The following NUP43 variants were observed in gnomAD, a reference collection of about 807,000 sequenced individuals.
NUP43 encodes nucleoporin Nup43.
Under a neutral mutation model 47.3 loss-of-function variants are expected in NUP43, and 32 were observed. The observed-to-expected ratio is 0.68, with a 90% CI of 0.51 to 0.91. The LOEUF (loss-of-function observed/expected upper bound fraction) is 0.91, where lower values mean the gene tolerates loss of function less well. NUP43 is among the 40% of genes least tolerant of loss of function. The pLI is 0.00. For missense variants in NUP43, 444 were observed against 453.9 expected, an observed-to-expected ratio of 0.98 and a Z score of 0.20; for synonymous variants, 147 against 158.4, an observed-to-expected ratio of 0.93 and a Z score of 0.54.
At chr6:149,742,229 T>C (rs553126099) in intron 4 of NUP43, among the ~76,000 whole-genome samples, 161 bp downstream of exon 4, 4 of 152,308 alleles carry the variant, frequency 2.6e-5, no homozygotes, top group Admixed American at 6.5e-5. Context: ...TTTCTCCATG[T>C]TGGTCAGGCT....
intron 7 of NUP43, among the ~76,000 whole-genome samples, chr6:149,729,052 G>A (rs1212265650): frequency 2.6e-5 from 4 of 151,728 alleles, no homozygotes; most frequent in African/African-American, 4.8e-5. Context: ...GTGCAGTGGC[G>A]TGACCTTGGC....
chr6:149,736,296 T>A (rs1785352203), intron 6 of NUP43, among the ~76,000 whole-genome samples, 175 bp downstream of exon 6: 1 of 151,878 alleles, frequency 6.6e-6, no homozygotes, highest in Non-Finnish European at 1.5e-5. Context: ...CAAAAACAAA[T>A]GTTAAAGAAC....
upstream of NUP43, among the ~76,000 whole-genome samples, chr6:149,748,012 T>G (rs1046149110): frequency 6.6e-6 from 1 of 152,222 alleles, no homozygotes; most frequent in African/African-American, 2.4e-5. Flanking sequence ...ATGTTTAATA[T>G]TGAAGTAAAG....
chr6:149,746,863 G>A (rs1334652620), upstream of NUP43, among the ~76,000 whole-genome samples: 3 of 152,208 alleles, frequency 2.0e-5, no homozygotes, highest in Non-Finnish European at 4.4e-5. Flanking sequence ...GCAGTTGCAG[G>A]TCACTGCGCA....
At chr6:149,746,196 G>A in intron 1 of NUP43, 134 bp from the exon 2 acceptor site, 8 of 1,315,490 alleles carry the variant, frequency 6.1e-6, no homozygotes, top group Admixed American at 6.0e-5. Context: ...AACGAGATAC[G>A]AGGCTCAGGC....
intron 7 of NUP43, among the ~76,000 whole-genome samples, chr6:149,731,106 A>G (rs1198504398): frequency 1.3e-5 from 2 of 151,876 alleles, no homozygotes; most frequent in African/African-American, 4.8e-5. Flanking sequence ...CATCTCTACT[A>G]AAAATACAAA....
chr6:149,731,838 T>C (rs1484557611), intron 6 of NUP43, 103 bp from the exon 7 acceptor site: 8 of 1,206,552 alleles, frequency 6.6e-6, no homozygotes, highest in East Asian at 4.9e-5. Flanking sequence ...CTCCATCACA[T>C]ACCTTCGAGC....
At chr6:149,747,896 G>A (rs1386179378), upstream of NUP43, among the ~76,000 whole-genome samples, 2 of 152,206 alleles carry the variant, frequency 1.3e-5, no homozygotes, top group Non-Finnish European at 2.9e-5. Flanking sequence ...TCCTATCAAG[G>A]ATTTGACTTT....
At chr6:149,744,324 G>A (rs980577223) in intron 2 of NUP43, among the ~76,000 whole-genome samples, 2 of 152,130 alleles carry the variant, frequency 1.3e-5, no homozygotes, top group Non-Finnish European at 2.9e-5. Context: ...AGGAGTTCGA[G>A]ACCAGCCTGG....
intron 5 of NUP43, among the ~76,000 whole-genome samples, chr6:149,737,481 T>C (rs1271569722): frequency 2.0e-5 from 3 of 152,132 alleles, no homozygotes; most frequent in Non-Finnish European, 4.4e-5. Flanking sequence ...CTCACTGTGT[T>C]GCCCTAGCTG....
Position 149,742,392 on chromosome 6 carries a change from A to G in NUP43, c.500T>C (p.Ile167Thr), listed in dbSNP as rs1785709628. 1.9e-6 allele frequency: 3 copies of G among 1,613,648 alleles called. No homozygotes were observed. Among genetic ancestry groups the G allele is most frequent in the Non-Finnish European group, 1.7e-6 (2 of 1,179,758 alleles). ...RADHKEAVRT[I>T]DNADSSTLHA... The stretch of plus-strand genomic sequence containing the variant: ...GGCCAGGCTGGGATTTTTCTTACCT[A>G]TGGTTCTTACAGCTTCCTTGTGATC... The change falls in exon 4 of 8, where the codon ATA (isoleucine) becomes ACA (threonine). Residue 167 changes from isoleucine (I) to threonine (T), a missense_variant and splice_region_variant. By Grantham distance (89) the Ile-to-Thr change is moderately conservative. Transcript: ENST00000340413.
In NUP43 at chr6:149,727,076, G is replaced by T; in HGVS notation, c.1036C>A (p.Leu346Ile). ...AKDRIEITSL[L>I]PSRSLSVNTL... is the part of the protein sequence containing the mutation. ...TTCACAGACAGAGACCTACTGGGAA[G>T]TAAGCTTGTGATTTCAATTCGGTCT... Residue 346 changes from leucine to isoleucine, a missense_variant, in exon 8 of 8, where the codon CTT becomes ATT. Transcript: ENST00000340413. 6.2e-7 allele frequency: 1 copy of T among 1,614,166 alleles called. No individual in the cohort carries two copies. The highest frequency in any genetic ancestry group is 8.5e-7 in the Non-Finnish European group (1 of 1,179,992).
At chr6:149,740,305 T>C (rs59023035) in intron 4 of NUP43, among the ~76,000 whole-genome samples, 1,572 of 94,568 alleles carry the variant, frequency 0.017, 31 homozygotes, top group African/African-American at 0.064. Flanking sequence ...AAAAAAGTAA[T>C]GCAACTTAAC....
intron 7 of NUP43, among the ~76,000 whole-genome samples, chr6:149,731,018 G>A (rs938231009): frequency 6.6e-6 from 1 of 152,084 alleles, no homozygotes; most frequent in African/African-American, 2.4e-5. Flanking sequence ...TGTAATCCCA[G>A]CACTTTGGGG....
At chr6:149,740,004 G>A (rs917223339) in intron 4 of NUP43, among the ~76,000 whole-genome samples, 2 of 152,134 alleles carry the variant, frequency 1.3e-5, no homozygotes, top group East Asian at 1.9e-4. Context: ...AAGTAATGTC[G>A]CCCAGTGCAG....
intron 5 of NUP43, among the ~76,000 whole-genome samples, chr6:149,737,033 G>T (rs1024062915): frequency 4.0e-5 from 6 of 151,768 alleles, no homozygotes; most frequent in Admixed American, 2.0e-4. Context: ...GCTCACACCT[G>T]TAATCCCAGC....
intron 6 of NUP43, among the ~76,000 whole-genome samples, chr6:149,733,282 G>A (rs1164503986): frequency 6.6e-6 from 1 of 152,038 alleles, no homozygotes; most frequent in Non-Finnish European, 1.5e-5. Context: ...ACCAAAATTT[G>A]GAAATGTTCC....
Position 149,726,887 on chromosome 6 carries a change from C to T in NUP43, c.*82G>A. 1 of 1,022,550 alleles carries T rather than the reference C, an allele frequency of 9.8e-7. No homozygotes were observed. Among genetic ancestry groups the T allele is most frequent in the Non-Finnish European group, 1.5e-6 (1 of 672,590 alleles). 63.3% of individuals were successfully genotyped at this position (1,022,550 alleles called of 1,614,324 possible). A position where few individuals can be genotyped will look rare whatever the true frequency, so the allele number is the denominator to read the frequency against. ...GTTTCCCCTGCAAATCTCGTATTTT[C>T]TGATACTAAAATTTTGCACAGAAGT... On this transcript the variant is annotated 3_prime_UTR_variant, in exon 8 of 8. Transcript: ENST00000340413.
upstream of NUP43, among the ~76,000 whole-genome samples, chr6:149,748,808 CAAAAAAA>C (rs1161065299): frequency 5.7e-5 from 5 of 87,364 alleles, no homozygotes; most frequent in South Asian, 3.7e-4. Flanking sequence ...GACTCCGTCT[CAAAAAAA>C]AAAAAAAAAA....
Sources: gnomAD v4.1 joint callset for allele counts (sites outside exome capture counted in the v4.1 genomes callset) on GRCh38, gnomAD v4.1.1 for gene constraint, MANE v1.5 for transcripts, NCBI Gene and HGNC (gene_info 2026-07-23, HGNC 2026-07-21) for gene names.